The following PRPF40B variants were observed in gnomAD, a reference collection of about 807,000 sequenced individuals.
PRPF40B encodes the protein pre-mRNA-processing factor 40 homolog B.
A neutral mutation model predicts 124.5 loss-of-function variants in PRPF40B; 56 were observed. The observed-to-expected ratio is 0.45, with a 90% CI of 0.36 to 0.56. The LOEUF (loss-of-function observed/expected upper bound fraction) is 0.56, where lower values mean the gene tolerates loss of function less well. PRPF40B is among the 20% of genes least tolerant of loss of function. The probability of loss-of-function intolerance (pLI) is 0.00; values close to 1 mark genes in which losing one functional copy is unlikely to be tolerated. For synonymous variants in PRPF40B, 443 were observed against 426.4 expected (o/e 1.04, Z -0.48); for missense variants, 1,053 against 1,169.5 (o/e 0.90, Z 1.45).
chr12:49,634,614 CAGA>C lies in PRPF40B; in HGVS notation c.1001+13_1001+15del. On this transcript the variant is annotated intron_variant, in intron 12 of 25. Coordinates refer to ENST00000548825, the MANE Select transcript of PRPF40B (RefSeq NM_001031698.3). ...GACCCCCGTTACAGGTAGGCCTGGGCAGAGGGAGCCAGGCCCTGTTCATGAGAG... is the reference window on the plus strand; with the variant it reads ...GACCCCCGTTACAGGTAGGCCTGGGCGGGAGCCAGGCCCTGTTCATGAGAG... 1 of 1,614,006 alleles carries C rather than the reference CAGA, an allele frequency of 6.2e-7. No individual in the cohort carries two copies. The highest frequency in any genetic ancestry group is 8.5e-7 in the Non-Finnish European group (1 of 1,179,926).
chr12:49,623,053 CTTTT>C (rs76184248), upstream of PRPF40B, among the ~76,000 whole-genome samples: 7 of 139,982 alleles, frequency 5.0e-5, no homozygotes, highest in South Asian at 1.1e-3. Context: ...GGGGATTTGT[CTTTT>C]TTTTTTTTTT....
intron 1 of PRPF40B, among the ~76,000 whole-genome samples, chr12:49,624,605 T>G (rs1940532634): frequency 6.6e-6 from 1 of 152,006 alleles, no homozygotes; most frequent in Non-Finnish European, 1.5e-5. Flanking sequence ...ATCCCAGCAC[T>G]TTGGGAGGCC....
intron 16 of PRPF40B, 71 bp downstream of exon 16, chr12:49,636,920 G>GC: frequency 6.2e-7 from 1 of 1,601,958 alleles, no homozygotes; most frequent in South Asian, 1.1e-5. Context: ...CCCATTCCCT[G>GC]CCCCCTTCTG....
rs1941175409 is a variant in PRPF40B at position 49,631,053 on chromosome 12, C to T, written c.85-348C>T. Among the ~76,000 whole-genome samples the T allele has an allele frequency of 6.6e-6, 1 of 152,218 alleles. No individual in the cohort carries two copies. The highest frequency in any genetic ancestry group is 2.1e-4 in the South Asian group (1 of 4,834). Reference sequence around the variant, plus strand: ...CTGGGGTACTTGGGTACCTGGATACCTGCCTTCTGCCCCTTCATCTGAGAG... The same window carrying T: ...CTGGGGTACTTGGGTACCTGGATACTTGCCTTCTGCCCCTTCATCTGAGAG... On this transcript the variant is annotated intron_variant, in intron 2 of 25. Coordinates refer to ENST00000548825, the MANE Select transcript of PRPF40B (RefSeq NM_001031698.3). The surrounding 1 kb of genome is among the most constrained non-coding windows in gnomAD (Gnocchi z 4.3).
chr12:49,639,439 A>C (rs1942298501), intron 18 of PRPF40B: 1 of 152,352 alleles, frequency 6.6e-6, no homozygotes, highest in Non-Finnish European at 1.5e-5. Flanking sequence ...CTGTGCAGGA[A>C]TCTTGTAGGA....
chr12:49,643,816 A>C lies in PRPF40B; in HGVS notation c.2443-45A>C, dbSNP rs546205526. On this transcript the variant is annotated intron_variant, in intron 24 of 25. Transcript: ENST00000548825. ...GTGAGTTCTGTTCTACCTGCCTCCCAGGCTATCCACAGGAACTGAGGAGGT... is the reference window on the plus strand; with the variant it reads ...GTGAGTTCTGTTCTACCTGCCTCCCCGGCTATCCACAGGAACTGAGGAGGT... 83 of 1,613,916 alleles carry C rather than the reference A, an allele frequency of 5.1e-5. 1 individual carries two copies. The South Asian group carries it at 8.8e-4, about 17-fold the overall frequency.
Position 49,631,972 on chromosome 12 carries a change from G to A in PRPF40B, c.294+47G>A, listed in dbSNP as rs370814816. 1.4e-5 allele frequency: 22 copies of A among 1,562,248 alleles called. No homozygotes were observed. Among genetic ancestry groups the A allele is most frequent in the Middle Eastern group, 1.7e-4 (1 of 6,018 alleles). ...GTAGCAGGCTCTGCCCTGCAGTCCCGTGAGTCTGACTTGGAATGCAGGACT... is the reference window on the plus strand; with the variant it reads ...GTAGCAGGCTCTGCCCTGCAGTCCCATGAGTCTGACTTGGAATGCAGGACT... On this transcript the variant is annotated intron_variant, in intron 4 of 25. Transcript: ENST00000548825. The surrounding 1 kb of genome is among the most constrained non-coding windows in gnomAD (Gnocchi z 4.3).
chr12:49,630,502 C>G (rs150259838), intron 1 of PRPF40B, 43 bp from the exon 2 acceptor site: 8,658 of 826,074 alleles, frequency 0.01, 73 homozygotes, highest in Middle Eastern at 0.013. Context: ...AAGCCCATCT[C>G]TGTGCCCATC....
rs1469594049 is a variant in PRPF40B at position 49,633,632 on chromosome 12, C to T, written c.581-5C>T. 7.4e-6 allele frequency: 12 copies of T among 1,614,110 alleles called. No individual in the cohort carries two copies. The highest frequency in any genetic ancestry group is 1.0e-5 in the Non-Finnish European group (12 of 1,180,044). The stretch of plus-strand genomic sequence containing the variant: ...GACTGACTGTGTTATCTTTTCCCAT[C>T]ACAGTTCTAGTCAAACAAGAGGCTG... On this transcript the variant is annotated splice_polypyrimidine_tract_variant and splice_region_variant and intron_variant, in intron 8 of 25. Transcript: ENST00000548825.
chr12:49,636,379 A>G, intron 15 of PRPF40B: 1 of 419,046 alleles, frequency 2.4e-6, no homozygotes. Context: ...TGATACTCAA[A>G]TTCACTTTCT....
chr12:49,639,647 C>T, intron 18 of PRPF40B: 1 of 151,406 alleles, frequency 6.6e-6, no homozygotes, highest in East Asian at 1.9e-4. Flanking sequence ...AAAGGTTCTA[C>T]ATAAGATTTC....
chr12:49,630,463 C>T, intron 1 of PRPF40B, 82 bp from the exon 2 acceptor site: 1 of 721,050 alleles, frequency 1.4e-6, no homozygotes, highest in Non-Finnish European at 2.5e-6. Context: ...CCTTTTTCAT[C>T]CTCACCACTT....
chr12:49,632,797 G>A, intron 5 of PRPF40B, 58 bp from the exon 6 acceptor site: 2 of 1,612,446 alleles, frequency 1.2e-6, no homozygotes, highest in Non-Finnish European at 1.7e-6. Flanking sequence ...AGGCATAGGT[G>A]GGAATAAGAT....
intron 18 of PRPF40B, chr12:49,640,449 A>T (rs1000450063): frequency 1.3e-5 from 2 of 150,462 alleles, no homozygotes; most frequent in South Asian, 2.1e-4. Flanking sequence ...AGTGTTGAAG[A>T]AGTAAGTGGT....
intron 15 of PRPF40B, 112 bp from the exon 16 acceptor site, chr12:49,636,604 C>T (rs2138531437): frequency 1.4e-6 from 2 of 1,481,290 alleles, no homozygotes; most frequent in Non-Finnish European, 9.2e-7. Context: ...CCCCCACCAC[C>T]CTGGGTATCC....
At chr12:49,632,396 G>T in intron 4 of PRPF40B, 200 bp from the exon 5 acceptor site, 2 of 636,330 alleles carry the variant, frequency 3.1e-6, no homozygotes, top group South Asian at 2.0e-5. Context: ...GGAGAACGAA[G>T]AATGGAGCTG....
At position 49,632,996 on chromosome 12, in the gene PRPF40B, G is replaced by GGGGGGGGGCGC; in HGVS notation, c.349-18_349-17insGGGGGGGGCGC. On this transcript the variant is annotated splice_polypyrimidine_tract_variant and intron_variant, in intron 6 of 25. Coordinates refer to ENST00000548825, the MANE Select transcript of PRPF40B (RefSeq NM_001031698.3). ...AAAGGGGCCTTGACCACCATTCTGT[G>GGGGGGGGGCGC]CCCCCCCCCCCACCCAGAGGGCCCT... 8.7e-7 allele frequency: 1 copy of GGGGGGGGGCGC among 1,147,396 alleles called. No homozygotes were observed. Among genetic ancestry groups the GGGGGGGGGCGC allele is most frequent in the Non-Finnish European group, 1.2e-6 (1 of 823,010 alleles). The allele number at this position is 1,147,396 out of a possible 1,614,324, so 71.1% of individuals were successfully genotyped here.
At position 49,636,826 on chromosome 12, in the gene PRPF40B, C is replaced by T. The variant is rs756035810; in HGVS notation, c.1537C>T (p.Arg513Cys). The T allele has an allele frequency of 4.3e-6, 7 of 1,614,104 alleles. No individual in the cohort carries two copies. The highest frequency in any genetic ancestry group is 5.9e-6 in the Non-Finnish European group (7 of 1,180,038). The change falls in exon 16 of 26, where the codon CGC becomes TGC. Residue 513 changes from arginine (R) to cysteine (C), a missense_variant. By Grantham distance (180) the Arg-to-Cys change is radical (BLOSUM62 -3). This residue lies in a region of PRPF40B where 895 missense variants were observed against 1,052.2 expected (regional missense o/e 0.85). Transcript: ENST00000548825. ...CCGGCTTCGGGAGCGACGCCAACAA[C>T]GCAAGAATCGGGAGGCCTTCCAGGT... ...RARLRERRQQ[R>C]KNREAFQTFL...
chr12:49,642,468 C>T lies in PRPF40B; in HGVS notation c.2022+96C>T. On this transcript the variant is annotated intron_variant, in intron 20 of 25. Transcript: ENST00000548825. This position sits in a 1 kb window ranked among gnomAD's most constrained non-coding sequence, Gnocchi z 5.8. ...ACCCCAGTCACGTCACAGCCCTGGG[C>T]CAGCTCCAGTTCCCTTCCTTTCTCT... is the stretch of plus-strand genomic sequence containing the variant. 1 of 1,571,038 alleles carries T rather than the reference C, an allele frequency of 6.4e-7. No homozygotes were observed.
Sources: allele counts gnomAD v4.1 joint callset (sites outside exome capture counted in the v4.1 genomes callset), GRCh38; gene constraint gnomAD v4.1.1; regional missense constraint gnomAD v4.1.1; non-coding constraint Gnocchi (gnomAD v3.1); transcripts MANE v1.5; gene names NCBI Gene and HGNC (gene_info 2026-07-23, HGNC 2026-07-21).